The following PRMT3 variants were observed in gnomAD, a reference collection of about 807,000 sequenced individuals.
PRMT3 encodes protein arginine N-methyltransferase 3.
A neutral mutation model predicts 71.9 loss-of-function variants in PRMT3; 62 were observed. That is an observed-to-expected ratio of 0.86 (90% CI 0.70 to 1.07). PRMT3 has a LOEUF of 1.07. Ranked by LOEUF, PRMT3 falls within the 50% of genes least tolerant of loss-of-function variation. The pLI is 0.00. For missense variants in PRMT3, 663 were observed against 643.0 expected (o/e 1.03, Z -0.34); for synonymous variants, 213 against 220.4 (o/e 0.97, Z 0.30).
At chr11:20,437,098 A>G (rs1354002899) in intron 10 of PRMT3, among the ~76,000 whole-genome samples, 6 of 151,874 alleles carry the variant, frequency 4.0e-5, no homozygotes, top group Non-Finnish European at 7.4e-5. Flanking sequence ...TTATAATTCT[A>G]TGGTATCTAT....
chr11:20,505,669 CAAATA>C (rs1307898450), intron 15 of PRMT3, among the ~76,000 whole-genome samples: 8 of 151,902 alleles, frequency 5.3e-5, no homozygotes, highest in Non-Finnish European at 1.2e-4. Context: ...TAAAAAGAAG[CAAATA>C]AAATAGCCAA....
At chr11:20,493,019 C>T (rs879497216) in intron 13 of PRMT3, among the ~76,000 whole-genome samples, 22 of 152,074 alleles carry the variant, frequency 1.4e-4, no homozygotes, top group Non-Finnish European at 2.8e-4. Flanking sequence ...TGGTGGCGCA[C>T]GCCTGTGGTC....
intron 10 of PRMT3, among the ~76,000 whole-genome samples, chr11:20,442,979 T>C (rs1849943236): frequency 6.6e-6 from 1 of 152,124 alleles, no homozygotes; most frequent in Non-Finnish European, 1.5e-5. Context: ...GGAAGATTGC[T>C]TGAGGCCAGT....
chr11:20,435,350 C>CG (rs1035162602), intron 10 of PRMT3, among the ~76,000 whole-genome samples: 14 of 152,208 alleles, frequency 9.2e-5, no homozygotes, highest in Admixed American at 1.3e-4. Flanking sequence ...TACAGGTGTG[C>CG]GCCACTATAC....
intron 10 of PRMT3, among the ~76,000 whole-genome samples, chr11:20,449,537 G>GA (rs1565217231): frequency 6.6e-6 from 1 of 152,008 alleles, no homozygotes; most frequent in African/African-American, 2.4e-5. Context: ...TTATGTGACC[G>GA]AACTATTATT....
chr11:20,393,927 A>G (rs928763619), intron 5 of PRMT3: 6 of 152,196 alleles, frequency 3.9e-5, no homozygotes, highest in African/African-American at 1.4e-4. Context: ...GTGCTGATTA[A>G]TTTTTGGTGA....
At chr11:20,459,368 T>A (rs906874471) in intron 11 of PRMT3, among the ~76,000 whole-genome samples, 2 of 152,214 alleles carry the variant, frequency 1.3e-5, no homozygotes, top group Non-Finnish European at 2.9e-5. Flanking sequence ...CTCCCTGAAG[T>A]AGGACCATAT....
Position 20,387,758 on chromosome 11 carries a change from A to G in PRMT3, c.12A>G (p.Leu4=). 1 of 1,541,778 alleles carries G rather than the reference A, an allele frequency of 6.5e-7. No homozygotes were observed. Among genetic ancestry groups the G allele is most frequent in the Non-Finnish European group, 8.7e-7 (1 of 1,146,178 alleles). MCS[L]ASGATGGRGA... ...GGGGCACCACAGCCATGTGCTCGTT[A>G]GCGTCAGGCGCTACCGGTGGGTACC... The change falls in exon 1 of 16, where the codon TTA becomes TTG. Residue 4 remains leucine, a synonymous_variant. Transcript: ENST00000331079. This position sits in a 1 kb window ranked among gnomAD's most constrained non-coding sequence, Gnocchi z 4.3.
intron 8 of PRMT3, among the ~76,000 whole-genome samples, 153 bp downstream of exon 8, chr11:20,403,137 A>G (rs189648914): frequency 3.9e-5 from 6 of 152,360 alleles, no homozygotes; most frequent in Middle Eastern, 3.4e-3. Flanking sequence ...GGTGCAGAGT[A>G]CCAATAACAA....
At chr11:20,480,051 C>T (rs1850893208) in intron 13 of PRMT3, among the ~76,000 whole-genome samples, 2 of 152,092 alleles carry the variant, frequency 1.3e-5, no homozygotes, top group Admixed American at 6.5e-5. Flanking sequence ...AAAGGCTGGG[C>T]GCAGTGGTTT....
At chr11:20,439,082 C>T (rs1849826759) in intron 10 of PRMT3, among the ~76,000 whole-genome samples, 1 of 152,196 alleles carries the variant, frequency 6.6e-6, no homozygotes, top group South Asian at 2.1e-4. Context: ...AAGCAAGGTA[C>T]ACTTCAGCCA....
chr11:20,414,604 C>T (rs1849261671), intron 9 of PRMT3, among the ~76,000 whole-genome samples: 1 of 152,090 alleles, frequency 6.6e-6, no homozygotes, highest in Admixed American at 6.6e-5. Context: ...AATATTTTTA[C>T]CATTATTCTG....
At chr11:20,481,854 T>G (rs2133435228) in intron 13 of PRMT3, among the ~76,000 whole-genome samples, 1 of 152,232 alleles carries the variant, frequency 6.6e-6, no homozygotes, top group South Asian at 2.1e-4. Context: ...CCAGAGTATT[T>G]TAGCCTTTTA....
Position 20,405,211 on chromosome 11 carries a change from C to G in PRMT3, c.771+2227C>G, listed in dbSNP as rs758219920. 3.1e-4 allele frequency among the ~76,000 whole-genome samples: 47 copies of G among 151,916 alleles called. 1 individual carries two copies. The highest frequency in any genetic ancestry group is 5.9e-4 in the Admixed American group (9 of 15,254). ...AATTTAACTTTGGGTGGTATTTAAT[C>G]GTGTTGTCACCCACTCATAATTAAT... On this transcript the variant is annotated intron_variant, in intron 8 of 15. Coordinates refer to ENST00000331079, the MANE Select transcript of PRMT3 (RefSeq NM_005788.4).
chr11:20,462,299 C>T (rs1850404460), intron 12 of PRMT3, 132 bp downstream of exon 12: 1 of 649,466 alleles, frequency 1.5e-6, no homozygotes, highest in Non-Finnish European at 2.5e-6. Flanking sequence ...CAGTCTAAAA[C>T]AAATTGAGGT....
At chr11:20,422,600 A>G (rs1265100156) in intron 9 of PRMT3, among the ~76,000 whole-genome samples, 3 of 152,066 alleles carry the variant, frequency 2.0e-5, no homozygotes, top group Admixed American at 6.5e-5. Flanking sequence ...AAATCTTGCC[A>G]TTTCCTACCG....
intron 13 of PRMT3, among the ~76,000 whole-genome samples, chr11:20,469,592 C>A (rs1850594896): frequency 6.6e-6 from 1 of 152,104 alleles, no homozygotes; most frequent in Non-Finnish European, 1.5e-5. Flanking sequence ...AGAAGTGTTT[C>A]AGATTTAGAA....
chr11:20,454,265 G>A (rs1187907067), intron 11 of PRMT3, among the ~76,000 whole-genome samples: 3 of 151,992 alleles, frequency 2.0e-5, no homozygotes, highest in Admixed American at 6.5e-5. Flanking sequence ...TTGCCTTGAC[G>A]TTCTAGGGAA....
intron 10 of PRMT3, among the ~76,000 whole-genome samples, chr11:20,431,581 G>A (rs972942615): frequency 1.4e-4 from 21 of 152,216 alleles, no homozygotes; most frequent in Middle Eastern, 3.4e-3. Context: ...AATTCTTGGA[G>A]GAAGAACATT....
Sources: gnomAD v4.1 joint callset for allele counts (sites outside exome capture counted in the v4.1 genomes callset) on GRCh38, gnomAD v4.1.1 for gene constraint, Gnocchi (gnomAD v3.1) non-coding constraint, MANE v1.5 for transcripts, NCBI Gene and HGNC (gene_info 2026-07-23, HGNC 2026-07-21) for gene names.